Variants in LIN52 observed in about 807,000 individuals in gnomAD.
The protein encoded by LIN52 is lin-52 DREAM MuvB core complex component, also known as protein lin-52 homolog.
In LIN52, 4 loss-of-function variants were observed where a neutral mutation model predicts 18.5. That is an observed-to-expected ratio of 0.22 (90% CI 0.11 to 0.49). The LOEUF (loss-of-function observed/expected upper bound fraction) is 0.49. LIN52 is among the 20% of genes least tolerant of loss of function. The probability of loss-of-function intolerance (pLI) is 0.97; values close to 1 mark genes in which losing one functional copy is unlikely to be tolerated. For synonymous variants in LIN52, 34 were observed against 45.5 expected, an observed-to-expected ratio of 0.75 and a Z score of 1.02; for missense variants, 102 against 139.5, an observed-to-expected ratio of 0.73 and a Z score of 1.35.
At chr14:74,193,493 A>G (rs1335897753) in intron 5 of LIN52, among the ~76,000 whole-genome samples, 2 of 152,168 alleles carry the variant, frequency 1.3e-5, no homozygotes, top group African/African-American at 4.8e-5. Context: ...TCTAAAACCA[A>G]CCAGTTTTTA....
At chr14:74,145,051 C>T (rs74430428) in intron 5 of LIN52, among the ~76,000 whole-genome samples, 172 of 152,266 alleles carry the variant, frequency 1.1e-3, no homozygotes, top group African/African-American at 4.0e-3. Flanking sequence ...GTGAAGTGAT[C>T]GCTTCTTTCT....
chr14:74,172,956 T>G (rs1344761578), intron 5 of LIN52, among the ~76,000 whole-genome samples: 1 of 152,192 alleles, frequency 6.6e-6, no homozygotes, highest in Non-Finnish European at 1.5e-5. Flanking sequence ...TAATCCTGTA[T>G]AAAATTGTAT....
At chr14:74,089,370 A>ATT (rs71460953) in intron 1 of LIN52, among the ~76,000 whole-genome samples, 16,148 of 142,290 alleles carry the variant, frequency 0.11, 990 homozygotes, top group South Asian at 0.18. Flanking sequence ...TTAAGTGGGG[A>ATT]TTTTTTTTTT....
At chr14:74,174,341 A>G (rs1444612183) in intron 5 of LIN52, 3 of 152,198 alleles carry the variant, frequency 2.0e-5, no homozygotes, top group Admixed American at 1.3e-4. Context: ...CCTATTACTC[A>G]TAGGCCACAA....
At chr14:74,183,740 T>C (rs985862938) in intron 5 of LIN52, among the ~76,000 whole-genome samples, 1 of 152,138 alleles carries the variant, frequency 6.6e-6, no homozygotes, top group Non-Finnish European at 1.5e-5. Flanking sequence ...GTTATGTTGT[T>C]TACTATAATA....
chr14:74,190,566 A>G (rs2061359429), intron 5 of LIN52, among the ~76,000 whole-genome samples: 1 of 151,312 alleles, frequency 6.6e-6, no homozygotes, highest in Non-Finnish European at 1.5e-5. Flanking sequence ...TAATTTTTGT[A>G]TTTTTACTAG....
At chr14:74,172,505 C>T (rs1180893080) in intron 5 of LIN52, among the ~76,000 whole-genome samples, 1 of 152,106 alleles carries the variant, frequency 6.6e-6, no homozygotes, top group Non-Finnish European at 1.5e-5. Context: ...TGGTTCTTAG[C>T]TGTTCCATAG....
At chr14:74,194,015 C>A (rs1283308283) in intron 5 of LIN52, among the ~76,000 whole-genome samples, 3 of 152,194 alleles carry the variant, frequency 2.0e-5, no homozygotes, top group African/African-American at 7.2e-5. Context: ...TAAAAAGTTT[C>A]TTAAAATTTA....
chr14:74,164,544 C>A (rs1338542233), intron 5 of LIN52, among the ~76,000 whole-genome samples: 3 of 152,146 alleles, frequency 2.0e-5, no homozygotes, highest in Non-Finnish European at 2.9e-5. Flanking sequence ...CTTCGGGCTC[C>A]CAAAGTGCTG....
intron 5 of LIN52, among the ~76,000 whole-genome samples, chr14:74,194,254 C>G (rs2078896983): frequency 6.6e-6 from 1 of 152,160 alleles, no homozygotes. Context: ...ACCACTGAAT[C>G]TTTTTCAACC....
intron 5 of LIN52, among the ~76,000 whole-genome samples, chr14:74,141,676 G>C (rs150874954): frequency 1.7e-4 from 26 of 152,266 alleles, no homozygotes; most frequent in Non-Finnish European, 3.4e-4. Context: ...TGCATCATTA[G>C]CCGGACATAT....
At chr14:74,092,299 GTA>G (rs34699701) in intron 2 of LIN52, among the ~76,000 whole-genome samples, 77,663 of 144,080 alleles carry the variant, frequency 0.54, 21,613 homozygotes, top group East Asian at 0.89. Context: ...TTATATATAT[GTA>G]TATATATATA....
chr14:74,102,945 A>G (rs192758499), intron 5 of LIN52, among the ~76,000 whole-genome samples: 3 of 120,802 alleles, frequency 2.5e-5, no homozygotes, highest in African/African-American at 7.6e-5. Context: ...TAATCAACAT[A>G]TAGCCAATCT....
At chr14:74,164,833 A>G (rs1275189727) in intron 5 of LIN52, among the ~76,000 whole-genome samples, 1 of 152,186 alleles carries the variant, frequency 6.6e-6, no homozygotes, top group African/African-American at 2.4e-5. Flanking sequence ...TTAGTCTCCT[A>G]TTCTTACATA....
At chr14:74,091,125 C>T in intron 1 of LIN52, 107 bp from the exon 2 acceptor site, 4 of 702,774 alleles carry the variant, frequency 5.7e-6, no homozygotes, top group Non-Finnish European at 9.8e-6. Context: ...GAACTCATAT[C>T]TCTAGACTTC....
intron 5 of LIN52, among the ~76,000 whole-genome samples, chr14:74,154,024 G>A (rs1176667276): frequency 6.6e-6 from 1 of 152,062 alleles, no homozygotes; most frequent in Non-Finnish European, 1.5e-5. Context: ...AACCCACATG[G>A]AATTTCCCCT....
chr14:74,127,562 A>G (rs931698926), intron 5 of LIN52, among the ~76,000 whole-genome samples: 1 of 152,206 alleles, frequency 6.6e-6, no homozygotes, highest in Admixed American at 6.5e-5. Flanking sequence ...TAAGCAAACA[A>G]TATTCAGTTT....
chr14:74,150,802 A>T (rs1026286454), intron 5 of LIN52, among the ~76,000 whole-genome samples: 1 of 152,240 alleles, frequency 6.6e-6, no homozygotes, highest in Admixed American at 6.5e-5. Context: ...TGGGAAGCTC[A>T]TGAAAAAAGG....
intron 5 of LIN52, among the ~76,000 whole-genome samples, chr14:74,198,064 T>C (rs1167294641): frequency 6.6e-6 from 1 of 152,236 alleles, no homozygotes; most frequent in African/African-American, 2.4e-5. Context: ...AGAAACTTTC[T>C]GCACTGTTAA....
Sources: allele counts gnomAD v4.1 joint callset (sites outside exome capture counted in the v4.1 genomes callset), GRCh38; gene constraint gnomAD v4.1.1; transcripts MANE v1.5; gene names NCBI Gene and HGNC (gene_info 2026-07-23, HGNC 2026-07-21).